Variants in ABCC12 observed in about 807,000 individuals in gnomAD.
ABCC12 encodes the protein ATP-binding cassette sub-family C member 12.
ABCC12 carries 142 observed loss-of-function variants against 151.1 expected under a neutral mutation model. The observed-to-expected ratio is 0.94, with a 90% CI of 0.82 to 1.08. ABCC12 has a LOEUF of 1.08. ABCC12 is among the 50% of genes least tolerant of loss of function. ABCC12 has a pLI of 0.00. For synonymous variants in ABCC12, 645 were observed against 646.4 expected (o/e 1.00, Z 0.03); for missense variants, 1,638 against 1,691.1 (o/e 0.97, Z 0.55).
intron 24 of ABCC12, among the ~76,000 whole-genome samples, chr16:48,095,221 T>A (rs191241939): frequency 3.0e-4 from 46 of 152,260 alleles, no homozygotes; most frequent in Middle Eastern, 3.4e-3. Context: ...GGTAAATAAG[T>A]CTCACGAGAG....
chr16:48,088,842 G>A, intron 25 of ABCC12, 108 bp from the exon 26 acceptor site: 1 of 969,636 alleles, frequency 1.0e-6, no homozygotes, highest in East Asian at 2.8e-5. Flanking sequence ...ATTCATGGTG[G>A]TGAAATAAAC....
At chr16:48,096,615 G>A (rs1963103819) in intron 24 of ABCC12, 131 bp downstream of exon 24, 3 of 919,088 alleles carry the variant, frequency 3.3e-6, no homozygotes, top group Non-Finnish European at 5.1e-6. Flanking sequence ...AATGATGTGA[G>A]CCACTAAGCT....
chr16:48,085,449 G>C (rs1962545929), intron 29 of ABCC12, 144 bp downstream of exon 29: 1 of 693,030 alleles, frequency 1.4e-6, no homozygotes, highest in South Asian at 1.9e-5. Context: ...TCACAACTTT[G>C]TCTTAAGAAA....
At chr16:48,123,073 G>A (rs1964125205) in intron 12 of ABCC12, among the ~76,000 whole-genome samples, 1 of 152,222 alleles carries the variant, frequency 6.6e-6, no homozygotes, top group Admixed American at 6.5e-5. Flanking sequence ...CTGTCTCATG[G>A]GAGATAGACT....
intron 9 of ABCC12, among the ~76,000 whole-genome samples, chr16:48,131,578 C>T (rs989736582): frequency 1.3e-5 from 2 of 152,222 alleles, no homozygotes; most frequent in Admixed American, 1.3e-4. Context: ...TAATATTCTA[C>T]AGCCTCAATG....
At chr16:48,155,616 GC>G (rs1202136899) in intron 1 of ABCC12, among the ~76,000 whole-genome samples, 1 of 152,124 alleles carries the variant, frequency 6.6e-6, no homozygotes. Flanking sequence ...TTTTATGATA[GC>G]GGGGGCTCCA....
chr16:48,105,674 G>A (rs1963468797), intron 20 of ABCC12, among the ~76,000 whole-genome samples: 1 of 152,202 alleles, frequency 6.6e-6, no homozygotes, highest in Admixed American at 6.5e-5. Flanking sequence ...GAAGATCAGA[G>A]AGGCAAATGG....
intron 2 of ABCC12, among the ~76,000 whole-genome samples, chr16:48,147,609 G>T (rs1468872281): frequency 1.3e-5 from 2 of 152,112 alleles, no homozygotes; most frequent in African/African-American, 4.8e-5. Context: ...AGGAAACAAA[G>T]GCCCAGAGAG....
rs1248842776 is a variant in ABCC12, at chr16:48,088,575, T to C, written c.3445A>G (p.Thr1149Ala). 6.2e-7 allele frequency: 1 copy of C among 1,614,176 alleles called. No individual in the cohort carries two copies. Among genetic ancestry groups the C allele is most frequent in the Non-Finnish European group, 8.5e-7 (1 of 1,180,024 alleles). The change falls in exon 26 of 31, where the codon ACA becomes GCA. Residue 1149 changes from threonine (T) to alanine (A), a missense_variant. By Grantham distance (58) the Thr-to-Ala change is moderately conservative. Coordinates refer to ENST00000311303, the MANE Select transcript of ABCC12 (RefSeq NM_001393797.1). The stretch of plus-strand genomic sequence containing the variant: ...CCTGTTCTTCCAACAATCCCGACTG[T>C]CTGCCCACTTTGTATGTTCAAGTTC... The part of the protein sequence containing the change: ...SLNLNIQSGQ[T>A]VGIVGRTGSG...
chr16:48,145,637 G>A (rs989482281), intron 3 of ABCC12, among the ~76,000 whole-genome samples: 3 of 152,224 alleles, frequency 2.0e-5, no homozygotes, highest in African/African-American at 4.8e-5. Flanking sequence ...CCTGCATGCT[G>A]TCACTCATTC....
At chr16:48,090,962 C>T (rs1488276789) in intron 25 of ABCC12, among the ~76,000 whole-genome samples, 158 bp downstream of exon 25, 3 of 152,208 alleles carry the variant, frequency 2.0e-5, no homozygotes, top group South Asian at 2.1e-4. Flanking sequence ...CTGCCCGCCT[C>T]GGCCTCCCAA....
chr16:48,123,522 C>T (rs1964140763), intron 12 of ABCC12, among the ~76,000 whole-genome samples: 2 of 152,224 alleles, frequency 1.3e-5, no homozygotes, highest in Admixed American at 6.5e-5. Context: ...AGTACCCCGA[C>T]CTCTTCCTGA....
Position 48,146,337 on chromosome 16 carries a change from T to G in ABCC12, c.88A>C (p.Lys30Gln). ...SFAERYDPSL[K>Q]TMIPVRPCAR... ...CAGGGTCGCACTGGGATCATGGTCT[T>G]CAGGCTGGGGTCATATCTTTCTGCA... The change falls in exon 3 of 31, where the codon AAG (lysine) becomes CAG (glutamine). Residue 30 changes from lysine to glutamine, a missense_variant. By Grantham distance (53) the Lys-to-Gln change is moderately conservative. Coordinates refer to ENST00000311303, the MANE Select transcript of ABCC12 (RefSeq NM_001393797.1). 6.2e-7 allele frequency: 1 copy of G among 1,614,186 alleles called. No homozygotes were observed. Among genetic ancestry groups the G allele is most frequent in the Non-Finnish European group, 8.5e-7 (1 of 1,180,020 alleles).
rs16945903 is a variant in ABCC12 at position 48,146,480 on chromosome 16, G to A, written c.-50-6C>T. 6.3e-3 allele frequency: 8,786 copies of A among 1,392,018 alleles called. 414 individuals carry two copies. In the African/African-American group the frequency reaches 0.11, roughly 17 times the overall value. The allele number at this position is 1,392,018 out of a possible 1,614,324, so 86.2% of individuals were successfully genotyped here. ...GGCCTGGGGACACTTTCACTCTATG[G>A]CAGAGAAATGGCAAAGGTTATTGAG... On this transcript the variant is annotated splice_region_variant and splice_polypyrimidine_tract_variant and intron_variant, in intron 2 of 30. Transcript: ENST00000311303.
intron 18 of ABCC12, among the ~76,000 whole-genome samples, chr16:48,111,052 G>A (rs759946254): frequency 2.6e-5 from 4 of 152,140 alleles, no homozygotes; most frequent in Non-Finnish European, 4.4e-5. Context: ...TGCCTCTAAC[G>A]AATCCCCATG....
In ABCC12 at chr16:48,088,540, C is replaced by T. The variant is rs369768569; in HGVS notation, c.3475+5G>A. ...AAAAGAAACAAAAGCAGAGCTTGTC[C>T]TCACCGGAACCTGTTCTTCCAACAA... is the stretch of plus-strand genomic sequence containing the variant. On this transcript the variant is annotated splice_donor_5th_base_variant and intron_variant, in intron 26 of 30. Coordinates refer to ENST00000311303, the MANE Select transcript of ABCC12 (RefSeq NM_001393797.1). 18 of 1,612,448 alleles carry T rather than the reference C, an allele frequency of 1.1e-5. No individual in the cohort carries two copies. The highest frequency in any genetic ancestry group is 1.5e-5 in the Non-Finnish European group (18 of 1,179,200).
intron 2 of ABCC12, among the ~76,000 whole-genome samples, chr16:48,148,682 A>T (rs1965075101): frequency 6.6e-6 from 1 of 151,988 alleles, no homozygotes; most frequent in Admixed American, 6.6e-5. Context: ...GTACCATTGA[A>T]TACTGCACTC....
At chr16:48,107,493 A>G in intron 19 of ABCC12, 68 bp from the exon 20 acceptor site, 1 of 1,378,574 alleles carries the variant, frequency 7.3e-7, no homozygotes, top group Admixed American at 1.7e-5. Context: ...GACCTTCCTC[A>G]GGACCCAACC....
At chr16:48,099,137 C>T (rs1963214773) in intron 23 of ABCC12, among the ~76,000 whole-genome samples, 1 of 152,124 alleles carries the variant, frequency 6.6e-6, no homozygotes, top group Non-Finnish European at 1.5e-5. Flanking sequence ...AATGCAATTC[C>T]AGGCTGGTTG....
Sources: gnomAD v4.1 joint callset for allele counts (sites outside exome capture counted in the v4.1 genomes callset) on GRCh38, gnomAD v4.1.1 for gene constraint, MANE v1.5 for transcripts, NCBI Gene and HGNC (gene_info 2026-07-23, HGNC 2026-07-21) for gene names.